SLC67A2: variants seen among roughly 807,000 people sequenced by gnomAD.
The protein encoded by SLC67A2 is solute carrier family 67 member 2.
the SLC67A2 span, chr2:102,731,203 C>CTT: frequency 3.2e-5 from 17 of 531,302 alleles, no homozygotes; most frequent in Admixed American, 1.6e-4. Context: ...TATCTCACAT[C>CTT]TTTTTTTTTT....
At chr2:102,723,989 A>C in the SLC67A2 span, 2 of 1,193,924 alleles carry the variant, frequency 1.7e-6, no homozygotes, top group Non-Finnish European at 2.5e-6. Flanking sequence ...CTTAACCTCT[A>C]TCCCTGATGG....
chr2:102,723,668 A>AT, the SLC67A2 span: 32 of 1,603,404 alleles, frequency 2.0e-5, no homozygotes, highest in African/African-American at 2.4e-4. Context: ...GTATGAATAC[A>AT]CAAAACAATC....
chr2:102,720,707 A>T, the SLC67A2 span, among the ~76,000 whole-genome samples: 3 of 152,242 alleles, frequency 2.0e-5, no homozygotes, highest in Non-Finnish European at 4.4e-5. Flanking sequence ...AAACTGGCAA[A>T]GCAGGGATTT....
the SLC67A2 span, chr2:102,730,888 G>C: frequency 1.3e-6 from 1 of 788,248 alleles, no homozygotes; most frequent in Non-Finnish European, 2.1e-6. Flanking sequence ...CTTTTTGTCT[G>C]TAAAAAGCAG....
chr2:102,736,888 C>T, the SLC67A2 span: 2 of 1,477,840 alleles, frequency 1.4e-6, no homozygotes, highest in Non-Finnish European at 1.8e-6. Context: ...CGAGCGGAAG[C>T]AGGAGGCGCG....
At chr2:102,715,845 A>G in the SLC67A2 span, 1 of 152,254 alleles carries the variant, frequency 6.6e-6, no homozygotes, top group South Asian at 2.1e-4. Flanking sequence ...ACAAATGTCA[A>G]TTGAGCAGAT....
the SLC67A2 span, chr2:102,718,943 A>G: frequency 3.1e-6 from 5 of 1,614,276 alleles, no homozygotes; most frequent in Non-Finnish European, 4.2e-6. Context: ...ACTGTAGTAC[A>G]GCATGACTGC....
At chr2:102,726,815 T>TCA in the SLC67A2 span, 1 of 1,444,622 alleles carries the variant, frequency 6.9e-7, no homozygotes, top group East Asian at 2.5e-5. Context: ...AAGCTACGTT[T>TCA]GAAAAAAAAA....
chr2:102,719,221 A>C, the SLC67A2 span: 8 of 1,604,108 alleles, frequency 5.0e-6, no homozygotes, highest in South Asian at 1.1e-5. Context: ...TTAAAATGGC[A>C]TGAGACCGGT....
the SLC67A2 span, chr2:102,716,011 T>C: frequency 3.3e-5 from 5 of 152,228 alleles, no homozygotes; most frequent in Non-Finnish European, 7.4e-5. Context: ...AGGTCTCAGG[T>C]GATGCTGATG....
chr2:102,722,049 A>C, the SLC67A2 span, among the ~76,000 whole-genome samples: 1 of 152,256 alleles, frequency 6.6e-6, no homozygotes, highest in Non-Finnish European at 1.5e-5. Context: ...AGTAAATCTG[A>C]CAAAATCTCT....
At chr2:102,732,404 CA>C in the SLC67A2 span, 2 of 1,608,704 alleles carry the variant, frequency 1.2e-6, no homozygotes, top group East Asian at 4.5e-5. Context: ...TGACACCAAA[CA>C]AATCCTAAAA....
At chr2:102,719,318 T>A in the SLC67A2 span, 17 of 1,030,326 alleles carry the variant, frequency 1.6e-5, no homozygotes, top group Non-Finnish European at 2.1e-5. Context: ...TATATTTTGG[T>A]ACTAAATTTA....
chr2:102,719,043 C>A, the SLC67A2 span: 2 of 1,614,220 alleles, frequency 1.2e-6, no homozygotes, highest in South Asian at 2.2e-5. Context: ...ACTACTTCGA[C>A]CCAGGGCTGG....
the SLC67A2 span, chr2:102,732,303 A>T: frequency 1.3e-6 from 2 of 1,595,274 alleles, no homozygotes; most frequent in Non-Finnish European, 1.7e-6. Context: ...TCTAAAAATG[A>T]GCAATATCGA....
chr2:102,729,854 A>C, the SLC67A2 span, among the ~76,000 whole-genome samples: 1 of 152,222 alleles, frequency 6.6e-6, no homozygotes, highest in Non-Finnish European at 1.5e-5. Flanking sequence ...TACTTCAATA[A>C]ATCAGGAAGT....
At chr2:102,729,572 G>A in the SLC67A2 span, among the ~76,000 whole-genome samples, 3 of 152,126 alleles carry the variant, frequency 2.0e-5, no homozygotes, top group Admixed American at 2.0e-4. Flanking sequence ...ACAAGCAAGT[G>A]CACTGCTCTC....
chr2:102,732,268 G>A, the SLC67A2 span: 1 of 1,421,466 alleles, frequency 7.0e-7, no homozygotes, highest in Non-Finnish European at 9.9e-7. Context: ...CAGGTACTTG[G>A]TTCAGAGGAT....
At chr2:102,729,939 A>T in the SLC67A2 span, among the ~76,000 whole-genome samples, 1 of 152,226 alleles carries the variant, frequency 6.6e-6, no homozygotes, top group East Asian at 1.9e-4. Context: ...ACAAGGAAGC[A>T]ACTCTTGGGA....
Sources: gnomAD v4.1 joint callset for allele counts (sites outside exome capture counted in the v4.1 genomes callset) on GRCh38, gnomAD v4.1.1 for gene constraint, MANE v1.5 for transcripts, NCBI Gene and HGNC (gene_info 2026-07-23, HGNC 2026-07-21) for gene names.